CAV2: variants seen among roughly 807,000 people sequenced by gnomAD.
CAV2 encodes caveolin 2, also known as caveolin-2.
Under a neutral mutation model 15.5 loss-of-function variants are expected in CAV2, and 7 were observed. The ratio of observed to expected loss-of-function variants is 0.45; its 90% CI spans 0.26 to 0.85. CAV2 has a LOEUF of 0.85. Among genes scored for constraint, CAV2 ranks in the 40% least tolerant of loss-of-function variants. CAV2 has a pLI of 0.18. For missense variants in CAV2, 229 were observed against 208.8 expected, an observed-to-expected ratio of 1.10 and a Z score of -0.60; for synonymous variants, 76 against 83.1, an observed-to-expected ratio of 0.91 and a Z score of 0.46.
At position 116,506,190 on chromosome 7, in the gene CAV2, C is replaced by A; in HGVS notation, c.*69C>A. On this transcript the variant is annotated 3_prime_UTR_variant, in exon 3 of 3. Transcript: ENST00000222693. ...CTTTGTTATTATAACATAAAAGCACCACTGTTCTGTTCATTTCCTAGCTGT... is the reference window on the plus strand; with the variant it reads ...CTTTGTTATTATAACATAAAAGCACAACTGTTCTGTTCATTTCCTAGCTGT... The A allele has an allele frequency of 6.8e-7, 1 of 1,470,834 alleles. No individual in the cohort carries two copies. The highest frequency in any genetic ancestry group is 9.4e-7 in the Non-Finnish European group (1 of 1,061,746). 91.1% of individuals were successfully genotyped at this position (1,470,834 alleles called of 1,614,324 possible).
chr7:116,506,058 T>G lies in CAV2; in HGVS notation c.426T>G (p.Ala142=), dbSNP rs1220829925. ...AGAGTGTGACAGATGTTATCATTGC[T>G]CCATTGTGTACGAGCGTAGGACGAT... ...IWKSVTDVII[A]PLCTSVGRCF... The change falls in exon 3 of 3, where the codon GCT becomes GCG. Residue 142 remains alanine, a synonymous_variant. Coordinates refer to ENST00000222693, the MANE Select transcript of CAV2 (RefSeq NM_001233.5). 6.2e-7 allele frequency: 1 copy of G among 1,613,904 alleles called. No individual in the cohort carries two copies. Among genetic ancestry groups the G allele is most frequent in the Admixed American group, 1.7e-5 (1 of 60,012 alleles).
chr7:116,502,501 A>G (rs1001753189), intron 2 of CAV2, among the ~76,000 whole-genome samples: 4 of 152,246 alleles, frequency 2.6e-5, no homozygotes, highest in Admixed American at 6.5e-5. Context: ...AAATAGGTTT[A>G]TCATTAATAG....
intron 2 of CAV2, 113 bp from the exon 3 acceptor site, chr7:116,505,858 T>C (rs1793222242): frequency 4.4e-6 from 3 of 680,894 alleles, no homozygotes; most frequent in Non-Finnish European, 7.3e-6. Context: ...TGTTTCAAAC[T>C]CTCAACCAAA....
intron 2 of CAV2, among the ~76,000 whole-genome samples, chr7:116,501,950 T>G (rs1333700240): frequency 6.6e-6 from 1 of 152,192 alleles, no homozygotes; most frequent in African/African-American, 2.4e-5. Flanking sequence ...TGAATTTTTT[T>G]TAAGATCCCT....
At chr7:116,500,688 T>A (rs1012841585) in intron 2 of CAV2, 7 of 504,392 alleles carry the variant, frequency 1.4e-5, no homozygotes, top group Non-Finnish European at 2.1e-5. Context: ...TGATTTTCCT[T>A]GCATACATAA....
At chr7:116,501,479 C>G (rs1793102895) in intron 2 of CAV2, among the ~76,000 whole-genome samples, 1 of 152,190 alleles carries the variant, frequency 6.6e-6, no homozygotes, top group Non-Finnish European at 1.5e-5. Flanking sequence ...CCAATTTATC[C>G]TTTATTTCTC....
chr7:116,499,882 C>A lies in CAV2; in HGVS notation c.101C>A (p.Ala34Glu), dbSNP rs1203461151. Residue 34 changes from alanine (A) to glutamate (E), a missense_variant, in exon 1 of 3, where the codon GCG (alanine) becomes GAG (glutamate). Ala to Glu is a moderately radical substitution (Grantham distance 107). Transcript: ENST00000222693. ...GAGTACGCCGACCCCGAGAAGTTCG[C>A]GGACTCGGACCAGGACCGGGATCCC... ...GLEYADPEKF[A>E]DSDQDRDPHR... is the part of the protein sequence containing the mutation. 6.2e-7 allele frequency: 1 copy of A among 1,612,058 alleles called. No individual in the cohort carries two copies. Among genetic ancestry groups the A allele is most frequent in the African/African-American group, 1.3e-5 (1 of 74,982 alleles).
intron 2 of CAV2, among the ~76,000 whole-genome samples, chr7:116,504,831 G>T (rs116258688): frequency 7.9e-5 from 12 of 152,262 alleles, no homozygotes; most frequent in African/African-American, 2.9e-4. Context: ...AACAATTTCA[G>T]GATAGACTAG....
intron 2 of CAV2, among the ~76,000 whole-genome samples, chr7:116,503,033 GT>G (rs1410487398): frequency 6.6e-6 from 1 of 152,026 alleles, no homozygotes; most frequent in Non-Finnish European, 1.5e-5. Context: ...TTTTCATACA[GT>G]AAATTGCTAT....
intron 2 of CAV2, among the ~76,000 whole-genome samples, chr7:116,505,421 A>T (rs1472255450): frequency 6.6e-6 from 1 of 152,200 alleles, no homozygotes; most frequent in African/African-American, 2.4e-5. Flanking sequence ...GTCCATTTGC[A>T]TTACTATGAA....
intron 2 of CAV2, 107 bp downstream of exon 2, chr7:116,500,554 C>G: frequency 9.2e-7 from 1 of 1,091,006 alleles, no homozygotes. Context: ...GGAGGAGGAA[C>G]GCGCATCAGT....
At chr7:116,502,495 A>G (rs1793127164) in intron 2 of CAV2, among the ~76,000 whole-genome samples, 1 of 152,230 alleles carries the variant, frequency 6.6e-6, no homozygotes, top group Non-Finnish European at 1.5e-5. Context: ...TTGATAAAAT[A>G]GGTTTATCAT....
chr7:116,502,069 A>T (rs1793118014), intron 2 of CAV2, among the ~76,000 whole-genome samples: 1 of 152,190 alleles, frequency 6.6e-6, no homozygotes, highest in African/African-American at 2.4e-5. Flanking sequence ...ACCGCATAGC[A>T]TATTGTGAAA....
chr7:116,506,105 A>G lies in CAV2; in HGVS notation c.473A>G (p.Gln158Arg). Residue 158 changes from glutamine (Q) to arginine (R), a missense_variant, in exon 3 of 3, where the codon CAA becomes CGA. Gln to Arg is a conservative substitution (Grantham distance 43, BLOSUM62 1). Transcript: ENST00000222693. ...VGRCFSSVSL[Q>R]LSQD ...CGATGCTTCTCTTCTGTCAGCCTGC[A>G]ACTGAGCCAGGATTGAATACTTGGA... 6.2e-7 allele frequency: 1 copy of G among 1,614,134 alleles called. No individual in the cohort carries two copies. The highest frequency in any genetic ancestry group is 8.5e-7 in the Non-Finnish European group (1 of 1,179,998).
At chr7:116,503,923 A>G (rs372068879) in intron 2 of CAV2, among the ~76,000 whole-genome samples, 32,658 of 52,012 alleles carry the variant, frequency 0.63, 10,484 homozygotes, top group East Asian at 0.67. Context: ...GGAAGGAAGG[A>G]AGGGAGGGAG....
chr7:116,504,499 A>C (rs1367315092), intron 2 of CAV2, among the ~76,000 whole-genome samples: 1 of 152,250 alleles, frequency 6.6e-6, no homozygotes, highest in Non-Finnish European at 1.5e-5. Context: ...GTCAATGTGA[A>C]TAATTCTATA....
intron 2 of CAV2, among the ~76,000 whole-genome samples, chr7:116,504,724 A>G (rs1401713953): frequency 6.6e-6 from 1 of 152,220 alleles, no homozygotes; most frequent in East Asian, 1.9e-4. Context: ...GGACATTACT[A>G]CAACAGAGAA....
intron 1 of CAV2, 45 bp downstream of exon 1, chr7:116,499,976 A>G (rs1793052674): frequency 6.3e-7 from 1 of 1,593,228 alleles, no homozygotes; most frequent in Admixed American, 1.7e-5. Flanking sequence ...TGAGGCCGGG[A>G]GGTGCGGGCG....
rs189344813 is a variant in CAV2 at position 116,506,286 on chromosome 7, T to C, written c.*165T>C. Reference sequence around the variant, plus strand: ...TTTATTGACAGGTCTTTTCAAATAATGCTTTTCTAATTAATAGCCAAAGAT... The same window carrying C: ...TTTATTGACAGGTCTTTTCAAATAACGCTTTTCTAATTAATAGCCAAAGAT... On this transcript the variant is annotated 3_prime_UTR_variant, in exon 3 of 3. Coordinates refer to ENST00000222693, the MANE Select transcript of CAV2 (RefSeq NM_001233.5). 2.7e-4 allele frequency: 169 copies of C among 621,826 alleles called. 2 individuals are homozygous for C. The Middle Eastern group carries it at 5.1e-3, about 19-fold the overall frequency. 38.5% of individuals were successfully genotyped at this position (621,826 alleles called of 1,614,324 possible). A position where few individuals can be genotyped will look rare whatever the true frequency, so the allele number is the denominator to read the frequency against.
Sources: allele counts gnomAD v4.1 joint callset (sites outside exome capture counted in the v4.1 genomes callset), GRCh38; gene constraint gnomAD v4.1.1; transcripts MANE v1.5; gene names NCBI Gene and HGNC (gene_info 2026-07-23, HGNC 2026-07-21).